NTRK1: variants seen among roughly 807,000 people sequenced by gnomAD.
The protein encoded by NTRK1 is high affinity nerve growth factor receptor.
NTRK1 carries 62 observed loss-of-function variants against 86.8 expected under a neutral mutation model. The observed-to-expected ratio is 0.71, with a 90% CI of 0.58 to 0.88. The LOEUF is 0.88. Among genes scored for constraint, NTRK1 ranks in the 40% least tolerant of loss-of-function variants. NTRK1 has a pLI of 0.00. For synonymous variants in NTRK1, 469 were observed against 456.6 expected, an observed-to-expected ratio of 1.03 and a Z score of -0.35; for missense variants, 967 against 1,078.4, an observed-to-expected ratio of 0.90 and a Z score of 1.45.
intron 1 of NTRK1, among the ~76,000 whole-genome samples, chr1:156,838,889 G>GTGTGCAAATGCAGGCATGCC (rs1654667135): frequency 6.6e-6 from 1 of 152,246 alleles, no homozygotes; most frequent in Non-Finnish European, 1.5e-5. Context: ...CCCTGCAGGC[G>GTGTGCAAATGCAGGCATGCC]TGTGCAAATG....
intron 1 of NTRK1, chr1:156,841,902 G>T: frequency 1.3e-6 from 2 of 1,588,720 alleles, no homozygotes; most frequent in Non-Finnish European, 1.7e-6. Flanking sequence ...GAGTCACCAA[G>T]AACCCTGGAA....
At chr1:156,815,805 A>G in exon 1 of NTRK1, 1 of 1,614,114 alleles carries the variant, frequency 6.2e-7, no homozygotes. Flanking sequence ...AGGAGCAGTA[A>G]GGGAGTGAGT....
intron 2 of NTRK1, chr1:156,844,979 G>A: frequency 1.3e-6 from 2 of 1,533,348 alleles, no homozygotes; most frequent in Non-Finnish European, 1.8e-6. Context: ...CAAGCAAAGC[G>A]AGGCTCTGGG....
At chr1:156,843,776 G>C (rs887701408) in intron 2 of NTRK1, among the ~76,000 whole-genome samples, 1 of 152,218 alleles carries the variant, frequency 6.6e-6, no homozygotes, top group African/African-American at 2.4e-5. Flanking sequence ...AGTCAGCCCT[G>C]GAAGGATCTG....
At chr1:156,881,174 A>G (rs553419144) in intron 16 of NTRK1, among the ~76,000 whole-genome samples, 1 of 152,212 alleles carries the variant, frequency 6.6e-6, no homozygotes, top group Admixed American at 6.5e-5. Context: ...CGCCTTCCTC[A>G]ACCCACCTGG....
chr1:156,880,345 G>C, intron 16 of NTRK1, 188 bp downstream of exon 16: 4 of 657,100 alleles, frequency 6.1e-6, no homozygotes, highest in Non-Finnish European at 7.8e-6. Flanking sequence ...CCTTATTCTT[G>C]CCTTCACCTA....
In NTRK1 at chr1:156,843,422, C is replaced by T. The variant is rs776798739; in HGVS notation, c.50+1229C>T. The T allele has an allele frequency of 2.5e-6, 4 of 1,614,066 alleles. No homozygotes were observed. In the South Asian group the frequency reaches 4.4e-5, roughly 18 times the overall value. On this transcript the variant is annotated intron_variant, in intron 2 of 16. Coordinates refer to the NTRK1 transcript ENST00000392302. ...CACCACCTGTCCACCCACTCCCAGACCTACTATCAGAGGCGCTGAAGTACT... is the reference window on the plus strand; with the variant it reads ...CACCACCTGTCCACCCACTCCCAGATCTACTATCAGAGGCGCTGAAGTACT...
intron 1 of NTRK1, among the ~76,000 whole-genome samples, chr1:156,829,830 T>G (rs1052026286): frequency 1.3e-5 from 2 of 152,114 alleles, no homozygotes; most frequent in African/African-American, 4.8e-5. Flanking sequence ...TTTTGTATTT[T>G]TAGTAGAGAT....
chr1:156,873,370 TG>T (rs1647681533), intron 7 of NTRK1, among the ~76,000 whole-genome samples: 1 of 152,206 alleles, frequency 6.6e-6, no homozygotes, highest in Admixed American at 6.5e-5. Flanking sequence ...CCTGTGGGGC[TG>T]TGACTTATTT....
At chr1:156,842,233 C>G in intron 2 of NTRK1, 2 of 1,614,046 alleles carry the variant, frequency 1.2e-6, no homozygotes, top group Non-Finnish European at 1.7e-6. Context: ...CCATTTGGAT[C>G]ATTTCCCCCA....
intron 2 of NTRK1, among the ~76,000 whole-genome samples, chr1:156,852,624 G>A (rs544506384): frequency 3.5e-4 from 54 of 152,344 alleles, no homozygotes; most frequent in African/African-American, 1.2e-3. Flanking sequence ...TTTTACCCAT[G>A]CTCCTGCCCA....
At chr1:156,865,335 G>A (rs1440254606) in intron 3 of NTRK1, among the ~76,000 whole-genome samples, 1 of 152,154 alleles carries the variant, frequency 6.6e-6, no homozygotes, top group African/African-American at 2.4e-5. Context: ...GGGAGGAGAG[G>A]ATGATTTCAG....
At chr1:156,843,498 G>C in intron 2 of NTRK1, 6 of 1,613,844 alleles carry the variant, frequency 3.7e-6, no homozygotes, top group Non-Finnish European at 5.1e-6. Context: ...GGAGGTGAGG[G>C]GGTCAGGCTG....
At chr1:156,852,021 C>A in intron 2 of NTRK1, 3 of 1,613,548 alleles carry the variant, frequency 1.9e-6, no homozygotes, top group Non-Finnish European at 2.5e-6. Flanking sequence ...CGCCAGGACT[C>A]ATACTGGTAG....
chr1:156,866,231 C>G (rs1655920788), intron 3 of NTRK1, among the ~76,000 whole-genome samples: 1 of 152,180 alleles, frequency 6.6e-6, no homozygotes, highest in Non-Finnish European at 1.5e-5. Flanking sequence ...CAGGATAGGC[C>G]CCTCAGAGGC....
intron 2 of NTRK1, chr1:156,844,816 A>G (rs200802232): frequency 1.2e-4 from 187 of 1,613,936 alleles, no homozygotes; most frequent in Non-Finnish European, 1.5e-4. Flanking sequence ...CTCCCAGGCC[A>G]CCTTTCCTGG....
At chr1:156,852,348 C>T (rs1056238966) in intron 2 of NTRK1, among the ~76,000 whole-genome samples, 16 of 152,372 alleles carry the variant, frequency 1.1e-4, no homozygotes, top group Admixed American at 5.2e-4. Context: ...TGTTCCCCTC[C>T]GATGGGATTC....
At chr1:156,849,019 G>A in intron 2 of NTRK1, 1 of 1,613,476 alleles carries the variant, frequency 6.2e-7, no homozygotes. Flanking sequence ...CCGTCACGTT[G>A]GACACGAAGC....
upstream of NTRK1, among the ~76,000 whole-genome samples, chr1:156,856,942 C>T (rs1048108573): frequency 6.6e-6 from 1 of 152,238 alleles, no homozygotes; most frequent in Non-Finnish European, 1.5e-5. Flanking sequence ...TTCAGCCTGA[C>T]ATTCAGCTCC....
Sources: allele counts gnomAD v4.1 joint callset (sites outside exome capture counted in the v4.1 genomes callset), GRCh38; gene constraint gnomAD v4.1.1; transcripts MANE v1.5; gene names NCBI Gene and HGNC (gene_info 2026-07-23, HGNC 2026-07-21).